FOXP1: variants seen among roughly 807,000 people sequenced by gnomAD.
FOXP1 encodes forkhead box P1, also known as forkhead box protein P1.
In FOXP1, 15 loss-of-function variants were observed where a neutral mutation model predicts 98.2. The observed-to-expected ratio is 0.15, with a 90% CI of 0.10 to 0.24. The LOEUF (loss-of-function observed/expected upper bound fraction) is 0.24, where lower values mean the gene tolerates loss of function less well. FOXP1 is among the 10% of genes least tolerant of loss of function. The probability of loss-of-function intolerance (pLI) is 1.00; values close to 1 mark genes in which losing one functional copy is unlikely to be tolerated. For synonymous variants in FOXP1, 371 were observed against 314.5 expected (o/e 1.18, Z -1.90); for missense variants, 633 against 848.5 (o/e 0.75, Z 3.15).
intron 3 of FOXP1, among the ~76,000 whole-genome samples, chr3:71,371,913 G>A (rs2079350496): frequency 6.6e-6 from 1 of 152,084 alleles, no homozygotes; most frequent in African/African-American, 2.4e-5. Flanking sequence ...ACCACACTCG[G>A]CTTATTCCTT....
intron 6 of FOXP1, among the ~76,000 whole-genome samples, chr3:71,191,736 A>C (rs1320100799): frequency 6.6e-6 from 1 of 152,180 alleles, no homozygotes; most frequent in Non-Finnish European, 1.5e-5. Flanking sequence ...AACAGCCCCA[A>C]AGGGAATTAA....
intron 2 of FOXP1, among the ~76,000 whole-genome samples, chr3:71,513,440 C>T (rs919338226): frequency 1.3e-5 from 2 of 152,200 alleles, no homozygotes; most frequent in Non-Finnish European, 2.9e-5. Flanking sequence ...TCCCCTCCTT[C>T]GCTACCAACT....
At chr3:71,500,702 G>A (rs2041271651) in intron 2 of FOXP1, among the ~76,000 whole-genome samples, 1 of 152,178 alleles carries the variant, frequency 6.6e-6, no homozygotes, top group South Asian at 2.1e-4. Context: ...AAAAAAGAAA[G>A]AGTTGGTCTC....
intron 6 of FOXP1, among the ~76,000 whole-genome samples, chr3:71,139,173 C>A (rs192096860): frequency 6.6e-6 from 1 of 152,122 alleles, no homozygotes; most frequent in Non-Finnish European, 1.5e-5. Context: ...CATAGAGATA[C>A]GGAGCCAGTT....
intron 3 of FOXP1, among the ~76,000 whole-genome samples, chr3:71,431,768 C>T (rs930889399): frequency 4.6e-5 from 7 of 152,212 alleles, no homozygotes; most frequent in South Asian, 2.1e-4. Flanking sequence ...CCAAGTCACC[C>T]GATGACCTTG....
rs574899871 is a variant in FOXP1, at chr3:71,052,488, T to C, written c.510+49A>G. ...GAATGACAGTTTAATAGCCACTAGA[T>C]AGTCCTCTGGGATCTGTGGTTTGAA... On this transcript the variant is annotated intron_variant, in intron 9 of 20. Transcript: ENST00000649528. The C allele has an allele frequency of 8.0e-6, 7 of 873,602 alleles. No individual in the cohort carries two copies. The Admixed American group carries it at 1.0e-4, about 13-fold the overall frequency. 54.1% of individuals were successfully genotyped at this position (873,602 alleles called of 1,614,324 possible). A position where few individuals can be genotyped will look rare whatever the true frequency, so the allele number is the denominator to read the frequency against.
intron 1 of FOXP1, 123 bp from the exon 2 acceptor site, chr3:71,581,820 C>G (rs887066801): frequency 2.0e-6 from 2 of 985,992 alleles, no homozygotes; most frequent in Non-Finnish European, 2.4e-6. Flanking sequence ...CAGCGGGCTC[C>G]GAGGACCCGC....
At chr3:71,547,678 G>C (rs921213920) in intron 2 of FOXP1, among the ~76,000 whole-genome samples, 5 of 152,230 alleles carry the variant, frequency 3.3e-5, no homozygotes, top group South Asian at 2.1e-4. Flanking sequence ...TAGAGAATTA[G>C]TCCTGGCACA....
At chr3:71,488,690 G>A (rs933765602) in intron 3 of FOXP1, among the ~76,000 whole-genome samples, 6 of 152,150 alleles carry the variant, frequency 3.9e-5, no homozygotes, top group African/African-American at 4.8e-5. Flanking sequence ...TAAACGCATC[G>A]AAAATACTTC....
intron 3 of FOXP1, among the ~76,000 whole-genome samples, chr3:71,411,170 A>G (rs1038324735): frequency 6.6e-6 from 1 of 152,152 alleles, no homozygotes; most frequent in African/African-American, 2.4e-5. Context: ...TAGGACGTCT[A>G]CAAATTTGTA....
intron 7 of FOXP1, among the ~76,000 whole-genome samples, chr3:71,105,672 G>A (rs2057361984): frequency 6.6e-6 from 1 of 152,034 alleles, no homozygotes; most frequent in Non-Finnish European, 1.5e-5. Flanking sequence ...CAAACGCATG[G>A]ACGCTCATAA....
chr3:71,113,153 G>A (rs187390172), intron 6 of FOXP1, among the ~76,000 whole-genome samples: 33 of 152,264 alleles, frequency 2.2e-4, no homozygotes, highest in Admixed American at 1.8e-3. Flanking sequence ...ATTAGGCTAC[G>A]TAGAAAGGAA....
intron 7 of FOXP1, among the ~76,000 whole-genome samples, chr3:71,101,240 T>C (rs1019154381): frequency 1.3e-5 from 2 of 152,122 alleles, no homozygotes; most frequent in Non-Finnish European, 2.9e-5. Flanking sequence ...AGGGATCTGC[T>C]GGATTAGAGA....
intron 6 of FOXP1, among the ~76,000 whole-genome samples, chr3:71,180,436 G>A (rs1050471612): frequency 4.6e-5 from 7 of 151,816 alleles, no homozygotes; most frequent in East Asian, 1.9e-4. Context: ...GTGTAAAATC[G>A]TAGATGTTTT....
chr3:71,273,718 G>C (rs368031406), intron 5 of FOXP1, among the ~76,000 whole-genome samples: 4 of 152,056 alleles, frequency 2.6e-5, no homozygotes, highest in Admixed American at 6.6e-5. Context: ...AAAGAAACTG[G>C]GGGGAGGGAG....
chr3:70,965,496 C>G (rs2034559848), intron 20 of FOXP1, among the ~76,000 whole-genome samples: 1 of 152,126 alleles, frequency 6.6e-6, no homozygotes, highest in Non-Finnish European at 1.5e-5. Context: ...TAGTGCACCA[C>G]CAAGTAAACA....
rs138909487 is a variant in FOXP1, at chr3:70,986,082, C to T, written c.1146+1912G>A. ...TAAAAATAAATTTAGTAGGAGGTCC[C>T]CTTCAAAGTTACAATTTTCTAGAAA... is the stretch of plus-strand genomic sequence containing the variant. On this transcript the variant is annotated intron_variant, in intron 14 of 20. Coordinates refer to ENST00000649528, the MANE Select transcript of FOXP1 (RefSeq NM_001349338.3). Among the ~76,000 whole-genome samples, 714 of 152,134 alleles carry T rather than the reference C, an allele frequency of 4.7e-3. 4 individuals are homozygous for T. Among genetic ancestry groups the T allele is most frequent in the African/African-American group, 0.016 (670 of 41,512 alleles).
At chr3:71,312,405 T>C (rs543792323) in intron 4 of FOXP1, among the ~76,000 whole-genome samples, 129 of 152,346 alleles carry the variant, frequency 8.5e-4, no homozygotes, top group Middle Eastern at 6.8e-3. Context: ...CTGTGTTCAC[T>C]ACGAAGAATT....
chr3:71,503,439 A>G (rs1374914811), intron 2 of FOXP1, among the ~76,000 whole-genome samples: 1 of 152,098 alleles, frequency 6.6e-6, no homozygotes, highest in East Asian at 1.9e-4. Context: ...CATCTCTACT[A>G]AAAATACAAA....
Sources: gnomAD v4.1 joint callset for allele counts (sites outside exome capture counted in the v4.1 genomes callset) on GRCh38, gnomAD v4.1.1 for gene constraint, MANE v1.5 for transcripts, NCBI Gene and HGNC (gene_info 2026-07-23, HGNC 2026-07-21) for gene names.